DAB1: variants seen among roughly 807,000 people sequenced by gnomAD.
The protein encoded by DAB1 is DAB adaptor protein 1, also known as disabled homolog 1.
In DAB1, 15 loss-of-function variants were observed where a neutral mutation model predicts 64.6. That is an observed-to-expected ratio of 0.23 (90% confidence interval 0.16 to 0.36). DAB1 has a LOEUF of 0.36. Ranked by LOEUF, DAB1 falls within the 10% of genes least tolerant of loss-of-function variation. The pLI, the probability that DAB1 is intolerant of heterozygous loss-of-function variation, is 1.00. For missense variants in DAB1, 596 were observed against 706.7 expected (o/e 0.84, Z 1.78); for synonymous variants, 235 against 251.9 (o/e 0.93, Z 0.64).
intron 1 of DAB1, among the ~76,000 whole-genome samples, chr1:57,420,712 T>C (rs4912248): frequency 0.22 from 33,558 of 152,076 alleles, 4,078 homozygotes; most frequent in African/African-American, 0.32. Context: ...TATGATTTTC[T>C]CCATAAAATT....
rs77541771 is a variant in DAB1, at chr1:57,151,129, A to G, written c.68-5700T>C. On this transcript the variant is annotated intron_variant, in intron 2 of 14. Transcript: ENST00000371236. The stretch of plus-strand genomic sequence containing the variant: ...GATGCACTCAAAGGGCAGACAAATC[A>G]TGAAGCATCTTGGAAGCCAAGTTAA... Among the ~76,000 whole-genome samples, 1,352 of 152,318 alleles carry G rather than the reference A, an allele frequency of 8.9e-3. 20 individuals carry two copies. The highest frequency in any genetic ancestry group is 0.029 in the African/African-American group (1,216 of 41,568).
chr1:57,813,594 G>A (rs551624446), intron 6 of DAB1, among the ~76,000 whole-genome samples: 1 of 152,316 alleles, frequency 6.6e-6, no homozygotes, highest in African/African-American at 2.4e-5. Context: ...TCTAAGTCAT[G>A]TTTAGTTCAT....
chr1:57,196,219 C>T (rs1343577708), intron 2 of DAB1, among the ~76,000 whole-genome samples: 1 of 152,140 alleles, frequency 6.6e-6, no homozygotes, highest in Non-Finnish European at 1.5e-5. Context: ...ATCAATTTTA[C>T]CTGCATAAAG....
intron 5 of DAB1, among the ~76,000 whole-genome samples, chr1:58,068,322 G>A (rs1648988901): frequency 1.3e-5 from 2 of 152,194 alleles, no homozygotes; most frequent in Admixed American, 1.3e-4. Flanking sequence ...ATTCCACGCA[G>A]TAGTGTTTTC....
At chr1:57,913,426 C>CT (rs1644678228) in intron 5 of DAB1, among the ~76,000 whole-genome samples, 1 of 152,200 alleles carries the variant, frequency 6.6e-6, no homozygotes, top group South Asian at 2.1e-4. Context: ...TTCCTTACAC[C>CT]TTTTACAAAA....
chr1:58,265,493 C>T (rs531179888), intron 4 of DAB1, among the ~76,000 whole-genome samples: 2 of 152,350 alleles, frequency 1.3e-5, no homozygotes, highest in East Asian at 3.9e-4. Flanking sequence ...TGACATTGCA[C>T]TGTAGTCTCA....
At chr1:58,025,282 T>G (rs1237333005) in intron 5 of DAB1, among the ~76,000 whole-genome samples, 1 of 152,002 alleles carries the variant, frequency 6.6e-6, no homozygotes, top group African/African-American at 2.4e-5. Flanking sequence ...CTGGCCAGCT[T>G]TAAAAACATC....
intron 1 of DAB1, among the ~76,000 whole-genome samples, chr1:57,845,996 T>C (rs1402708022): frequency 6.6e-6 from 1 of 152,146 alleles, no homozygotes; most frequent in Non-Finnish European, 1.5e-5. Context: ...TAAATGAAGA[T>C]GCTGTCTGCA....
intron 9 of DAB1, among the ~76,000 whole-genome samples, chr1:57,061,577 G>T (rs1302025849): frequency 6.6e-6 from 1 of 152,162 alleles, no homozygotes; most frequent in East Asian, 1.9e-4. Flanking sequence ...ACTTTGAGCT[G>T]GAATTGACTT....
At chr1:57,453,909 T>C (rs1315816827) in intron 7 of DAB1, among the ~76,000 whole-genome samples, 6 of 152,188 alleles carry the variant, frequency 3.9e-5, no homozygotes, top group Admixed American at 3.9e-4. Context: ...ACTGATTAGG[T>C]GTCTTTTGAA....
chr1:58,066,695 T>C (rs76422876), intron 5 of DAB1, among the ~76,000 whole-genome samples: 10,049 of 152,174 alleles, frequency 0.066, 542 homozygotes, highest in African/African-American at 0.14. Flanking sequence ...CCTCTGACTA[T>C]TGCACTGTGC....
chr1:58,222,503 T>C (rs1009844440), intron 4 of DAB1, among the ~76,000 whole-genome samples: 1 of 152,238 alleles, frequency 6.6e-6, no homozygotes, highest in African/African-American at 2.4e-5. Context: ...ATAATAGTTA[T>C]GAGACAAATT....
intron 7 of DAB1, among the ~76,000 whole-genome samples, chr1:57,590,034 TA>T (rs902597885): frequency 6.6e-6 from 1 of 152,130 alleles, no homozygotes; most frequent in South Asian, 2.1e-4. Context: ...AGAGATATCA[TA>T]AAAAATAACC....
intron 8 of DAB1, among the ~76,000 whole-genome samples, chr1:57,066,580 T>G (rs59324587): frequency 6.6e-6 from 1 of 152,178 alleles, no homozygotes; most frequent in Non-Finnish European, 1.5e-5. Context: ...AATAGGAAAG[T>G]GAAGCACGCT....
At chr1:58,208,150 T>C (rs2100284075) in intron 4 of DAB1, among the ~76,000 whole-genome samples, 1 of 152,250 alleles carries the variant, frequency 6.6e-6, no homozygotes, top group Middle Eastern at 3.4e-3. Context: ...ACTGGGTCCC[T>C]CTCATGACAC....
intron 3 of DAB1, among the ~76,000 whole-genome samples, chr1:58,361,192 T>G (rs893748414): frequency 6.6e-6 from 1 of 152,218 alleles, no homozygotes; most frequent in Non-Finnish European, 1.5e-5. Context: ...ACCACAGCCT[T>G]GCCCCTGGGT....
intron 2 of DAB1, among the ~76,000 whole-genome samples, chr1:57,204,202 C>T (rs1442764480): frequency 6.6e-6 from 1 of 152,038 alleles, no homozygotes; most frequent in Non-Finnish European, 1.5e-5. Context: ...GAGTAGTATT[C>T]TTTAAAAAAT....
chr1:57,469,793 A>G (rs1687079190), intron 7 of DAB1, among the ~76,000 whole-genome samples: 1 of 152,218 alleles, frequency 6.6e-6, no homozygotes, highest in South Asian at 2.1e-4. Flanking sequence ...TTTGTAAAAA[A>G]GAAGATTCTA....
intron 3 of DAB1, among the ~76,000 whole-genome samples, chr1:58,382,869 T>C (rs1644402056): frequency 6.6e-6 from 1 of 152,022 alleles, no homozygotes; most frequent in African/African-American, 2.4e-5. Flanking sequence ...CAGACCTGAG[T>C]TTTACCCAGC....
Sources: gnomAD v4.1 joint callset for allele counts (sites outside exome capture counted in the v4.1 genomes callset) on GRCh38, gnomAD v4.1.1 for gene constraint, MANE v1.5 for transcripts, NCBI Gene and HGNC (gene_info 2026-07-23, HGNC 2026-07-21) for gene names.